The following LONRF2 variants were observed in gnomAD, a reference collection of about 807,000 sequenced individuals.
The protein encoded by LONRF2 is LON peptidase N-terminal domain and ring finger 2.
A neutral mutation model predicts 66.6 loss-of-function variants in LONRF2; 35 were observed. The observed-to-expected ratio is 0.53, with a 90% CI of 0.40 to 0.70. The LOEUF (loss-of-function observed/expected upper bound fraction) is 0.70. Ranked by LOEUF, LONRF2 falls within the 30% of genes least tolerant of loss-of-function variation. The pLI, the probability that LONRF2 is intolerant of heterozygous loss-of-function variation, is 0.00. For missense variants in LONRF2, 902 were observed against 1,002.1 expected (o/e 0.90, Z 1.35); for synonymous variants, 417 against 418.1 (o/e 1.00, Z 0.03).
At chr2:100,311,715 T>C (rs1374482442) in intron 1 of LONRF2, among the ~76,000 whole-genome samples, 3 of 152,190 alleles carry the variant, frequency 2.0e-5, no homozygotes, top group Admixed American at 2.0e-4. Context: ...TCAAGTTAGG[T>C]GATTTCTCTC....
Position 100,284,327 on chromosome 2 carries a change from G to C in LONRF2, c.2236C>G (p.Leu746Val). 1.9e-6 allele frequency: 3 copies of C among 1,569,594 alleles called. No homozygotes were observed. Among genetic ancestry groups the C allele is most frequent in the Non-Finnish European group, 2.6e-6 (3 of 1,155,052 alleles). ...ITRKMNSRQE[L>V]ANARERNN Reference sequence around the variant, plus strand: ...TTATTTCTCTCCCTGGCATTAGCCAGCTCTTGCCGACTATTCATCTTACGC... The same window carrying C: ...TTATTTCTCTCCCTGGCATTAGCCACCTCTTGCCGACTATTCATCTTACGC... Residue 746 changes from leucine (L) to valine (V), a missense_variant, in exon 12 of 12, where the codon CTG becomes GTG. Leu to Val is a conservative substitution (Grantham distance 32). Around this residue, in one of 2 missense-constraint regions of LONRF2, gnomAD observed 317 missense variants for 432.2 expected, o/e 0.73. Transcript: ENST00000393437.
chr2:100,287,130 C>G, intron 10 of LONRF2, 67 bp from the exon 11 acceptor site: 1 of 1,421,420 alleles, frequency 7.0e-7, no homozygotes, highest in Non-Finnish European at 9.4e-7. Flanking sequence ...AGTCAGCGAC[C>G]TCTGCACCTC....
Position 100,303,888 on chromosome 2 carries a change from CT to C in LONRF2, c.799-846del, listed in dbSNP as rs909624836. 6.6e-5 allele frequency among the ~76,000 whole-genome samples: 10 copies of C among 151,412 alleles called. No individual in the cohort carries two copies. In the East Asian group the frequency reaches 7.7e-4, roughly 12 times the overall value. ...GGAAACTTTTTACCCATTATTTCTT[CT>C]TTTTTTTTCTTGCCAAACATTTTCT... On this transcript the variant is annotated intron_variant, in intron 2 of 11. Coordinates refer to ENST00000393437, the MANE Select transcript of LONRF2 (RefSeq NM_198461.4).
chr2:100,288,959 A>C (rs970087559), intron 10 of LONRF2, among the ~76,000 whole-genome samples: 5 of 152,194 alleles, frequency 3.3e-5, no homozygotes, highest in Non-Finnish European at 5.9e-5. Context: ...CTGTTGGAGA[A>C]TCTCTCAAAA....
chr2:100,288,804 G>T lies in LONRF2; in HGVS notation c.1920+1454C>A, dbSNP rs569383189. Among the ~76,000 whole-genome samples the T allele has an allele frequency of 4.6e-5, 7 of 152,258 alleles. No homozygotes were observed. In the South Asian group the frequency reaches 1.5e-3, roughly 32 times the overall value. ...ATCCATATTGTTTCATGCACGAGTGGTTCATTTCTTTTTATTGACAGGTAG... is the reference window on the plus strand; with the variant it reads ...ATCCATATTGTTTCATGCACGAGTGTTTCATTTCTTTTTATTGACAGGTAG... On this transcript the variant is annotated intron_variant, in intron 10 of 11. Coordinates refer to ENST00000393437, the MANE Select transcript of LONRF2 (RefSeq NM_198461.4).
chr2:100,299,051 T>C, intron 6 of LONRF2, 101 bp from the exon 7 acceptor site: 1 of 983,028 alleles, frequency 1.0e-6, no homozygotes, highest in Non-Finnish European at 1.6e-6. Context: ...CTTTCTGTTC[T>C]AGAAATCACT....
intron 1 of LONRF2, 84 bp from the exon 2 acceptor site, chr2:100,309,309 G>T: frequency 1.4e-6 from 1 of 738,746 alleles, no homozygotes; most frequent in Non-Finnish European, 2.3e-6. Flanking sequence ...ATATTAAAGT[G>T]TATATATACA....
chr2:100,306,931 T>G (rs1675305066), intron 2 of LONRF2, among the ~76,000 whole-genome samples: 1 of 151,110 alleles, frequency 6.6e-6, no homozygotes. Context: ...CGCTCTTTTT[T>G]TTTTTTTGAG....
intron 2 of LONRF2, among the ~76,000 whole-genome samples, chr2:100,305,970 C>T (rs1370916544): frequency 6.6e-6 from 1 of 152,140 alleles, no homozygotes; most frequent in East Asian, 1.9e-4. Context: ...CTCACTGCAA[C>T]CTCCACCTCC....
At position 100,298,967 on chromosome 2, in the gene LONRF2, G is replaced by A. The variant is rs1407151755; in HGVS notation, c.1362-17C>T. ...AAGAGCAATCTGGAAGAAAATATCT[G>A]TTTTCAGCCAGAAATGTCCAGGACA... On this transcript the variant is annotated splice_polypyrimidine_tract_variant and intron_variant, in intron 6 of 11. Coordinates refer to ENST00000393437, the MANE Select transcript of LONRF2 (RefSeq NM_198461.4). 1 of 1,572,094 alleles carries A rather than the reference G, an allele frequency of 6.4e-7. No homozygotes were observed. Among genetic ancestry groups the A allele is most frequent in the Non-Finnish European group, 8.8e-7 (1 of 1,141,734 alleles).
In LONRF2 at chr2:100,272,034, T is replaced by C. The variant is rs1385415789; in HGVS notation, c.*12264A>G. Among the ~76,000 whole-genome samples the C allele has an allele frequency of 6.6e-6, 1 of 152,230 alleles. No individual in the cohort carries two copies. The highest frequency in any genetic ancestry group is 2.4e-5 in the African/African-American group (1 of 41,464). On this transcript the variant is annotated 3_prime_UTR_variant, in exon 12 of 12. Coordinates refer to ENST00000393437, the MANE Select transcript of LONRF2 (RefSeq NM_198461.4). ...CATATAAAAGACTTCATCAGAGGTT[T>C]TCCCAGATTTGACAACCATCCTATT...
At position 100,278,190 on chromosome 2, in the gene LONRF2, G is replaced by A. The variant is rs557519284; in HGVS notation, c.*6108C>T. 22 of 152,130 alleles carry A rather than the reference G, an allele frequency of 1.4e-4. No individual in the cohort carries two copies. The highest frequency in any genetic ancestry group is 4.3e-4 in the African/African-American group (18 of 41,480). The allele number at this position is 152,130 out of a possible 1,614,324, so 9.4% of individuals were successfully genotyped here. A position where few individuals can be genotyped will look rare whatever the true frequency, so the allele number is the denominator to read the frequency against. ...AATCTCTCTTAATTTAGGGCCTTTCGGTTGACTCACACCTCACACAAACTT... is the reference window on the plus strand; with the variant it reads ...AATCTCTCTTAATTTAGGGCCTTTCAGTTGACTCACACCTCACACAAACTT... On this transcript the variant is annotated 3_prime_UTR_variant, in exon 12 of 12. Coordinates refer to ENST00000393437, the MANE Select transcript of LONRF2 (RefSeq NM_198461.4).
intron 1 of LONRF2, among the ~76,000 whole-genome samples, chr2:100,309,696 C>T (rs1242549469): frequency 1.3e-5 from 2 of 151,232 alleles, no homozygotes; most frequent in East Asian, 3.9e-4. Context: ...TTTCAGACAT[C>T]GAGTCTCGCT....
rs1240038358 is a variant in LONRF2, at chr2:100,277,790, T to C, written c.*6508A>G. 2 of 152,212 alleles carry C rather than the reference T, an allele frequency of 1.3e-5. No homozygotes were observed. The highest frequency in any genetic ancestry group is 2.9e-5 in the Non-Finnish European group (2 of 68,040). 9.4% of individuals were successfully genotyped at this position (152,212 alleles called of 1,614,324 possible). ...CCAGCTTCACATTTATGGCCAACTG[T>C]TGGACCACTGCCCAAGAGTTGCCCC... On this transcript the variant is annotated 3_prime_UTR_variant, in exon 12 of 12. Coordinates refer to ENST00000393437, the MANE Select transcript of LONRF2 (RefSeq NM_198461.4).
intron 11 of LONRF2, among the ~76,000 whole-genome samples, chr2:100,286,317 C>T (rs1393965078): frequency 2.0e-5 from 3 of 152,120 alleles, no homozygotes; most frequent in Admixed American, 6.5e-5. Flanking sequence ...TAAACCAGCC[C>T]AGCCTGGCTC....
At chr2:100,309,073 A>G (rs779609206) in intron 2 of LONRF2, 34 bp downstream of exon 2, 3 of 1,354,672 alleles carry the variant, frequency 2.2e-6, no homozygotes, top group Non-Finnish European at 1.0e-6. Context: ...TAAACTTCAC[A>G]TTGATTATCT....
chr2:100,310,783 C>T (rs1209273673), intron 1 of LONRF2, among the ~76,000 whole-genome samples: 1 of 152,026 alleles, frequency 6.6e-6, no homozygotes, highest in East Asian at 1.9e-4. Flanking sequence ...GGCAAAGAGG[C>T]AAACTGAAGG....
chr2:100,296,542 T>C (rs1675071067), intron 7 of LONRF2, among the ~76,000 whole-genome samples: 2 of 152,154 alleles, frequency 1.3e-5, no homozygotes, highest in South Asian at 2.1e-4. Context: ...CAACACACCA[T>C]GGCTGGGTGA....
At position 100,280,032 on chromosome 2, in the gene LONRF2, CTT is replaced by C. The variant is rs1674682360; in HGVS notation, c.*4264_*4265del. The C allele has an allele frequency of 6.6e-6, 1 of 152,206 alleles. No individual in the cohort carries two copies. The highest frequency in any genetic ancestry group is 1.5e-5 in the Non-Finnish European group (1 of 68,068). 9.4% of individuals were successfully genotyped at this position (152,206 alleles called of 1,614,324 possible). On this transcript the variant is annotated 3_prime_UTR_variant, in exon 12 of 12. Coordinates refer to ENST00000393437, the MANE Select transcript of LONRF2 (RefSeq NM_198461.4). The stretch of plus-strand genomic sequence containing the variant: ...ACCTTTCTGCGTCCTCAATCAGTTA[CTT>C]TTATCAGACCTGGGTGCAAATTCGA...
Sources: gnomAD v4.1 joint callset for allele counts (sites outside exome capture counted in the v4.1 genomes callset) on GRCh38, gnomAD v4.1.1 for gene constraint, gnomAD v4.1.1 regional missense constraint, MANE v1.5 for transcripts, NCBI Gene and HGNC (gene_info 2026-07-23, HGNC 2026-07-21) for gene names.